Variants in TG observed in about 807,000 individuals in gnomAD.
TG encodes thyroid hormones.
Under a neutral mutation model 324.7 loss-of-function variants are expected in TG, and 270 were observed. That is an observed-to-expected ratio of 0.83 (90% confidence interval 0.75 to 0.92). The LOEUF (loss-of-function observed/expected upper bound fraction) is 0.92, where lower values mean the gene tolerates loss of function less well. TG is among the 40% of genes least tolerant of loss of function. The pLI, the probability that TG is intolerant of heterozygous loss-of-function variation, is 0.00. For synonymous variants in TG, 1,401 were observed against 1,327.0 expected (o/e 1.06, Z -1.21); for missense variants, 3,591 against 3,456.4 (o/e 1.04, Z -0.98).
At chr8:132,975,906 A>C (rs1214764126) in intron 34 of TG, among the ~76,000 whole-genome samples, 1 of 152,200 alleles carries the variant, frequency 6.6e-6, no homozygotes, top group African/African-American at 2.4e-5. Context: ...ATTATAAATA[A>C]ATACAACATT....
intron 23 of TG, among the ~76,000 whole-genome samples, chr8:132,933,001 C>G (rs563272180): frequency 6.6e-6 from 1 of 152,324 alleles, no homozygotes; most frequent in Admixed American, 6.5e-5. Context: ...AGCTCTGCCA[C>G]TTGGTAGCTT....
At chr8:132,986,257 T>C (rs1196551710) in intron 35 of TG, among the ~76,000 whole-genome samples, 3 of 152,030 alleles carry the variant, frequency 2.0e-5, no homozygotes, top group Non-Finnish European at 4.4e-5. Context: ...TTGTAGTCTC[T>C]ATGTATAATG....
At chr8:133,102,461 C>G in intron 43 of TG, 1 of 1,142,814 alleles carries the variant, frequency 8.8e-7, no homozygotes, top group Non-Finnish European at 1.3e-6. Flanking sequence ...CAGGATCCAT[C>G]AAGTCCCTCT....
At chr8:133,063,226 C>T (rs926276045) in intron 41 of TG, among the ~76,000 whole-genome samples, 7 of 152,034 alleles carry the variant, frequency 4.6e-5, no homozygotes, top group African/African-American at 1.4e-4. Context: ...CCCAGAACCC[C>T]GCCCCCATAA....
intron 20 of TG, 121 bp from the exon 21 acceptor site, chr8:132,919,255 A>C: frequency 9.2e-7 from 1 of 1,082,776 alleles, no homozygotes; most frequent in African/African-American, 1.6e-5. Context: ...CTCAGTGGAC[A>C]TTTGTTAAAT....
At chr8:132,873,879 G>C (rs1333732551) in intron 5 of TG, among the ~76,000 whole-genome samples, 1 of 152,134 alleles carries the variant, frequency 6.6e-6, no homozygotes, top group African/African-American at 2.4e-5. Flanking sequence ...AGAAGAAAGA[G>C]TAGGCAGAAG....
intron 40 of TG, among the ~76,000 whole-genome samples, chr8:133,028,956 A>T (rs1836363407): frequency 1.3e-5 from 2 of 152,164 alleles, no homozygotes; most frequent in African/African-American, 4.8e-5. Flanking sequence ...GGCCGCTGAC[A>T]CACACAGGAC....
Position 132,888,106 on chromosome 8 carries a change from G to A in TG, c.2299G>A (p.Gly767Arg), listed in dbSNP as rs144826790. 185 of 1,614,116 alleles carry A rather than the reference G, an allele frequency of 1.1e-4. No homozygotes were observed. Among genetic ancestry groups the A allele is most frequent in the Non-Finnish European group, 1.4e-4 (170 of 1,180,010 alleles). The change falls in exon 10 of 48, where the codon GGG (glycine) becomes AGG (arginine). Residue 767 changes from glycine (G) to arginine (R), a missense_variant. Gly to Arg is a moderately radical substitution (Grantham distance 125). Transcript: ENST00000220616. ...DTYIPQCSTD[G>R]QWRQVQCNGP... ...CTACATCCCACAGTGCAGCACCGAT[G>A]GGCAGTGGAGACAAGTGCAATGCAA... is the stretch of plus-strand genomic sequence containing the variant.
chr8:132,913,166 G>C lies in TG; in HGVS notation c.4279G>C (p.Gly1427Arg), dbSNP rs1819775190. 6.2e-7 allele frequency: 1 copy of C among 1,614,046 alleles called. No homozygotes were observed. Among genetic ancestry groups the C allele is most frequent in the Non-Finnish European group, 8.5e-7 (1 of 1,180,036 alleles). The change falls in exon 20 of 48, where the codon GGG (glycine) becomes CGG (arginine). Residue 1427 changes from glycine (G) to arginine (R), a missense_variant. By Grantham distance (125) the Gly-to-Arg change is moderately radical. Transcript: ENST00000220616. The part of the protein sequence containing the change: ...FPAETIRFLQ[G>R]DHFGTSPRTW... ...AGCGGAAACCATCCGCTTCCTCCAA[G>C]GGGACCACTTTGGCACCTCTCCCAG...
intron 15 of TG, 121 bp from the exon 16 acceptor site, chr8:132,901,232 C>G (rs913726142): frequency 1.7e-6 from 2 of 1,178,844 alleles, no homozygotes; most frequent in African/African-American, 3.0e-5. Context: ...GCCCCAGACC[C>G]CTGGAAGGCC....
intron 45 of TG, among the ~76,000 whole-genome samples, chr8:133,129,817 C>T (rs1318874322): frequency 6.6e-6 from 1 of 152,114 alleles, no homozygotes; most frequent in African/African-American, 2.4e-5. Flanking sequence ...CAGGTCATGA[C>T]CTTCTTGAGA....
In TG at chr8:132,882,987, C is replaced by T; in HGVS notation, c.1063C>T (p.Pro355Ser). 1 of 1,613,910 alleles carries T rather than the reference C, an allele frequency of 6.2e-7. No homozygotes were observed. The highest frequency in any genetic ancestry group is 8.5e-7 in the Non-Finnish European group (1 of 1,179,930). The part of the protein sequence containing the change: ...EMHGTRQQGE[P>S]PSCAEGQSCA... ...GCATGGAACCCGGCAGCAAGGGGAG[C>T]CGCCATCTTGTGGTGGGTTTCCTCT... The change falls in exon 8 of 48, where the codon CCG becomes TCG. Residue 355 changes from proline (P) to serine (S), a missense_variant. Transcript: ENST00000220616.
rs559057063 is a variant in TG, at chr8:133,098,143, A to G, written c.7572+1770A>G. Among the ~76,000 whole-genome samples, 21 of 152,338 alleles carry G rather than the reference A, an allele frequency of 1.4e-4. No homozygotes were observed. In the East Asian group the frequency reaches 3.7e-3, roughly 27 times the overall value. On this transcript the variant is annotated intron_variant, in intron 43 of 47. Transcript: ENST00000220616. ...GATTTTATTATTGGACAAGACAACC[A>G]TTCAGGAATCACTGGAAATGTGCCA... is the stretch of plus-strand genomic sequence containing the variant.
chr8:132,934,493 CAGT>C (rs1823269599), intron 24 of TG, among the ~76,000 whole-genome samples: 1 of 152,190 alleles, frequency 6.6e-6, no homozygotes, highest in East Asian at 1.9e-4. Flanking sequence ...TGTCCTCCTC[CAGT>C]GGAAAGCAGG....
chr8:132,982,609 G>C (rs975215962), intron 34 of TG, among the ~76,000 whole-genome samples: 13 of 152,176 alleles, frequency 8.5e-5, no homozygotes, highest in African/African-American at 2.4e-4. Context: ...CAAAGTCCAG[G>C]CTGCCACCAT....
chr8:132,998,098 A>T (rs541169617), intron 35 of TG, among the ~76,000 whole-genome samples: 6 of 152,204 alleles, frequency 3.9e-5, no homozygotes, highest in Non-Finnish European at 5.9e-5. Context: ...GGTGAGGAAG[A>T]ATGAGCTCTA....
intron 40 of TG, among the ~76,000 whole-genome samples, chr8:133,027,936 C>G (rs1836259082): frequency 6.6e-6 from 1 of 152,168 alleles, no homozygotes; most frequent in Admixed American, 6.5e-5. Flanking sequence ...GTTGTGTGTC[C>G]CTAGGACTAG....
At chr8:133,024,448 T>TACA (rs1835886098) in intron 40 of TG, among the ~76,000 whole-genome samples, 1 of 151,704 alleles carries the variant, frequency 6.6e-6, no homozygotes, top group African/African-American at 2.4e-5. Flanking sequence ...ACATGCAGGT[T>TACA]TGTTCCATAG....
At chr8:133,088,788 G>T (rs944532157) in intron 41 of TG, among the ~76,000 whole-genome samples, 2 of 152,164 alleles carry the variant, frequency 1.3e-5, no homozygotes, top group African/African-American at 4.8e-5. Context: ...GGGATTTCAA[G>T]ACGAATTGTA....
Sources: gnomAD v4.1 joint callset for allele counts (sites outside exome capture counted in the v4.1 genomes callset) on GRCh38, gnomAD v4.1.1 for gene constraint, MANE v1.5 for transcripts, NCBI Gene and HGNC (gene_info 2026-07-23, HGNC 2026-07-21) for gene names.